PLEKHA2: variants seen among roughly 807,000 people sequenced by gnomAD.
The protein encoded by PLEKHA2 is pleckstrin homology domain-containing family A member 2.
A neutral mutation model predicts 53.2 loss-of-function variants in PLEKHA2; 28 were observed. That is an observed-to-expected ratio of 0.53 (90% CI 0.39 to 0.72). The LOEUF (loss-of-function observed/expected upper bound fraction) is 0.72, where lower values mean the gene tolerates loss of function less well. PLEKHA2 is among the 30% of genes least tolerant of loss of function. PLEKHA2 has a pLI of 0.00. For missense variants in PLEKHA2, 426 were observed against 537.9 expected (o/e 0.79, Z 2.06); for synonymous variants, 193 against 196.4 (o/e 0.98, Z 0.14).
chr8:38,951,032 G>A (rs766488489), intron 6 of PLEKHA2, 42 bp downstream of exon 6: 5 of 1,502,290 alleles, frequency 3.3e-6, no homozygotes, highest in South Asian at 2.3e-5. Context: ...TGGGGGTGTG[G>A]AAGTGTCCAT....
chr8:38,903,020 A>G (rs908158223), intron 1 of PLEKHA2, among the ~76,000 whole-genome samples: 6 of 152,234 alleles, frequency 3.9e-5, no homozygotes, highest in African/African-American at 1.4e-4. Flanking sequence ...AGCCCAACGT[A>G]TGACATGTAC....
chr8:38,929,515 T>C (rs1338712660), intron 2 of PLEKHA2, among the ~76,000 whole-genome samples: 1 of 152,126 alleles, frequency 6.6e-6, no homozygotes, highest in Non-Finnish European at 1.5e-5. Flanking sequence ...TCAGGAAGGG[T>C]TGGGCTTGAA....
intron 4 of PLEKHA2, among the ~76,000 whole-genome samples, 175 bp downstream of exon 4, chr8:38,944,012 G>A (rs1330268046): frequency 6.6e-6 from 1 of 152,000 alleles, no homozygotes; most frequent in Non-Finnish European, 1.5e-5. Context: ...TGCTGCAAAG[G>A]TTGTTAATAA....
intron 3 of PLEKHA2, among the ~76,000 whole-genome samples, chr8:38,943,045 C>G (rs1834640479): frequency 6.6e-6 from 1 of 152,136 alleles, no homozygotes; most frequent in Non-Finnish European, 1.5e-5. Context: ...TGATTGGAAT[C>G]CATGCATTTG....
chr8:38,908,935 G>A (rs952206293), intron 1 of PLEKHA2, among the ~76,000 whole-genome samples: 4 of 152,130 alleles, frequency 2.6e-5, no homozygotes, highest in African/African-American at 9.7e-5. Context: ...ATGATGTCAG[G>A]AGATCGAGAC....
At chr8:38,920,308 G>A (rs913423097) in intron 2 of PLEKHA2, among the ~76,000 whole-genome samples, 42 of 151,906 alleles carry the variant, frequency 2.8e-4, no homozygotes, top group East Asian at 5.8e-4. Flanking sequence ...CCGCCACCAC[G>A]CCCAGCTAAT....
At chr8:38,913,126 G>A (rs1677373202) in intron 1 of PLEKHA2, among the ~76,000 whole-genome samples, 1 of 152,190 alleles carries the variant, frequency 6.6e-6, no homozygotes, top group Non-Finnish European at 1.5e-5. Context: ...CACTTTGGGA[G>A]GCCGAGGCTG....
At chr8:38,909,738 G>A (rs1296754907) in intron 1 of PLEKHA2, among the ~76,000 whole-genome samples, 1 of 152,152 alleles carries the variant, frequency 6.6e-6, no homozygotes, top group East Asian at 1.9e-4. Context: ...TAGTCAACTG[G>A]CAGGTGTCGG....
At chr8:38,905,516 C>CT (rs1833858081) in intron 1 of PLEKHA2, among the ~76,000 whole-genome samples, 1 of 151,532 alleles carries the variant, frequency 6.6e-6, no homozygotes, top group African/African-American at 2.4e-5. Flanking sequence ...GCACATCCTC[C>CT]TTACCACACC....
chr8:38,955,068 A>T (rs1356807650), intron 9 of PLEKHA2, among the ~76,000 whole-genome samples: 1 of 152,178 alleles, frequency 6.6e-6, no homozygotes, highest in African/African-American at 2.4e-5. Flanking sequence ...TACATTTTTT[A>T]AAATTTCTAT....
intron 1 of PLEKHA2, among the ~76,000 whole-genome samples, chr8:38,903,883 C>G (rs1289590947): frequency 6.6e-6 from 1 of 152,144 alleles, no homozygotes; most frequent in East Asian, 1.9e-4. Flanking sequence ...GGTTGCTCTG[C>G]CCCCTCTCTT....
intron 1 of PLEKHA2, 103 bp from the exon 2 acceptor site, chr8:38,917,804 A>C (rs1834087133): frequency 7.5e-7 from 1 of 1,330,604 alleles, no homozygotes; most frequent in Non-Finnish European, 1.0e-6. Flanking sequence ...CACGGAAGGA[A>C]GCTGGTGAGA....
intron 2 of PLEKHA2, among the ~76,000 whole-genome samples, chr8:38,925,476 A>G (rs1564117380): frequency 6.6e-6 from 1 of 152,210 alleles, no homozygotes; most frequent in Non-Finnish European, 1.5e-5. Context: ...GGTCTTGTCA[A>G]ATTTACTCTG....
chr8:38,909,604 C>A (rs1301423129), intron 1 of PLEKHA2, among the ~76,000 whole-genome samples: 2 of 152,270 alleles, frequency 1.3e-5, no homozygotes, highest in East Asian at 3.9e-4. Context: ...CTTGAATCTC[C>A]ACTGGTGGAA....
In PLEKHA2 at chr8:38,959,819, G is replaced by A. The variant is rs148178053; in HGVS notation, c.837+2433G>A. The stretch of plus-strand genomic sequence containing the variant: ...CCCGGATGTTTGGCTGGAGCCTCAG[G>A]ATGGCTCATGGCACCAGTCATTGTA... On this transcript the variant is annotated intron_variant, in intron 10 of 11. Transcript: ENST00000617275. Among the ~76,000 whole-genome samples the A allele has an allele frequency of 1.5e-3, 224 of 152,308 alleles. 2 individuals are homozygous for A. Among genetic ancestry groups the A allele is most frequent in the African/African-American group, 5.3e-3 (219 of 41,578 alleles).
In PLEKHA2 at chr8:38,973,671, A is replaced by C. The variant is rs946105006; in HGVS notation, c.*3888A>C. The stretch of plus-strand genomic sequence containing the variant: ...TACTAGATAGAGTTCAGATAAAGCA[A>C]ACGTTTGGCAAAAACATACTGTTTG... On this transcript the variant is annotated 3_prime_UTR_variant, in exon 12 of 12. Coordinates refer to ENST00000617275, the MANE Select transcript of PLEKHA2 (RefSeq NM_021623.2). 2 of 149,958 alleles carry C rather than the reference A, an allele frequency of 1.3e-5. No individual in the cohort carries two copies. The highest frequency in any genetic ancestry group is 2.9e-5 in the Non-Finnish European group (2 of 67,928). The allele number at this position is 149,958 out of a possible 1,614,324, so 9.3% of individuals were successfully genotyped here. A position where few individuals can be genotyped will look rare whatever the true frequency, so the allele number is the denominator to read the frequency against.
At position 38,969,493 on chromosome 8, in the gene PLEKHA2, A is replaced by G. The variant is rs370032484; in HGVS notation, c.988A>G (p.Ile330Val). ...SSSLSSGPNS[I>V]LCRGRPPLEE... ...CAGCCTTTCAAGTGGGCCCAACTCT[A>G]TCCTGTGCAGGGGGCGGCCACCTTT... Residue 330 changes from isoleucine to valine, a missense_variant, in exon 12 of 12, where the codon ATC becomes GTC. Transcript: ENST00000617275. The G allele has an allele frequency of 1.5e-5, 24 of 1,613,776 alleles. No homozygotes were observed. In the East Asian group the frequency reaches 4.5e-4, roughly 30 times the overall value.
intron 5 of PLEKHA2, 115 bp from the exon 6 acceptor site, chr8:38,950,735 G>C (rs1249350978): frequency 6.0e-6 from 8 of 1,337,950 alleles, no homozygotes; most frequent in African/African-American, 5.8e-5. Flanking sequence ...GGACACGCAA[G>C]TCTGACTGTA....
chr8:38,972,541 C>T lies in PLEKHA2; in HGVS notation c.*2758C>T, dbSNP rs1020523989. 3 of 152,154 alleles carry T rather than the reference C, an allele frequency of 2.0e-5. No homozygotes were observed. Among genetic ancestry groups the T allele is most frequent in the African/African-American group, 7.2e-5 (3 of 41,422 alleles). The allele number at this position is 152,154 out of a possible 1,614,324, so 9.4% of individuals were successfully genotyped here. The stretch of plus-strand genomic sequence containing the variant: ...AAATTATTATCTTCAATGAAACAAG[C>T]TCTAAAAGCATTCCATTCCTAAATT... On this transcript the variant is annotated 3_prime_UTR_variant, in exon 12 of 12. Coordinates refer to ENST00000617275, the MANE Select transcript of PLEKHA2 (RefSeq NM_021623.2).
Sources: gnomAD v4.1 joint callset for allele counts (sites outside exome capture counted in the v4.1 genomes callset) on GRCh38, gnomAD v4.1.1 for gene constraint, MANE v1.5 for transcripts, NCBI Gene and HGNC (gene_info 2026-07-23, HGNC 2026-07-21) for gene names.